Variants in NEDD4L observed in about 807,000 individuals in gnomAD.
The protein encoded by NEDD4L is NEDD4 like E3 ubiquitin protein ligase.
In NEDD4L, 54 loss-of-function variants were observed where a neutral mutation model predicts 148.9. That is an observed-to-expected ratio of 0.36 (90% CI 0.29 to 0.45). NEDD4L has a LOEUF of 0.45. Among genes scored for constraint, NEDD4L ranks in the 20% least tolerant of loss-of-function variants. The pLI, the probability that NEDD4L is intolerant of heterozygous loss-of-function variation, is 1.00. For missense variants in NEDD4L, 856 were observed against 1,233.8 expected (o/e 0.69, Z 4.59); for synonymous variants, 433 against 440.7 (o/e 0.98, Z 0.22).
chr18:58,044,877 C>T (rs1463432265), intron 1 of NEDD4L, among the ~76,000 whole-genome samples, 169 bp downstream of exon 1: 1 of 152,184 alleles, frequency 6.6e-6, no homozygotes, highest in African/African-American at 2.4e-5. Flanking sequence ...GGTCCTTCCG[C>T]ACCCCCCACC....
chr18:58,153,939 AC>A, intron 1 of NEDD4L, among the ~76,000 whole-genome samples: 1 of 152,186 alleles, frequency 6.6e-6, no homozygotes, highest in Non-Finnish European at 1.5e-5. Flanking sequence ...GAGTCACCGC[AC>A]CCGGCCCGAA....
At chr18:58,278,364 C>G (rs980748076) in intron 5 of NEDD4L, among the ~76,000 whole-genome samples, 6 of 152,196 alleles carry the variant, frequency 3.9e-5, no homozygotes, top group Non-Finnish European at 8.8e-5. Context: ...CCTGCCCCTC[C>G]TGCCTCTTCA....
chr18:58,323,244 A>C lies in NEDD4L; in HGVS notation c.423A>C (p.Arg141=), dbSNP rs1203565028. ...FLLRPRSHKS[R]VKGFLRLKMA... ...ATTATGTGTGCAGTCATAAGTCTCG[A>C]GTTAAGGGATTTTTGCGATTGAAAA... is the stretch of plus-strand genomic sequence containing the variant. Residue 141 remains arginine, a synonymous_variant, in exon 8 of 31, where the codon CGA becomes CGC. Transcript: ENST00000400345. The C allele has an allele frequency of 6.3e-7, 1 of 1,598,208 alleles. No individual in the cohort carries two copies. The highest frequency in any genetic ancestry group is 1.1e-5 in the South Asian group (1 of 88,576).
In NEDD4L at chr18:58,385,593, C is replaced by G; in HGVS notation, c.2487+7C>G. 1.2e-6 allele frequency: 2 copies of G among 1,612,446 alleles called. No homozygotes were observed. Among genetic ancestry groups the G allele is most frequent in the Non-Finnish European group, 1.7e-6 (2 of 1,178,524 alleles). On this transcript the variant is annotated splice_region_variant and intron_variant, in intron 26 of 30. Transcript: ENST00000400345. ...GATGAACGCCTTCTTGGAGGTAAGC[C>G]ATGCTGGCCAGGGTTCTCTGCCATG...
intron 29 of NEDD4L, 70 bp downstream of exon 29, chr18:58,390,812 G>A: frequency 1.8e-6 from 2 of 1,105,544 alleles, no homozygotes. Flanking sequence ...TCTGGCCCAA[G>A]AACCCTGCCG....
intron 2 of NEDD4L, among the ~76,000 whole-genome samples, chr18:58,209,957 G>A (rs184361651): frequency 1.5e-4 from 23 of 151,954 alleles, no homozygotes; most frequent in African/African-American, 5.1e-4. Context: ...ACCTGAGGTC[G>A]GGAGTTTGAG....
At chr18:58,220,772 C>T (rs2043669552) in intron 2 of NEDD4L, among the ~76,000 whole-genome samples, 1 of 152,110 alleles carries the variant, frequency 6.6e-6, no homozygotes, top group Non-Finnish European at 1.5e-5. Flanking sequence ...CTTCTTCCAG[C>T]AAGAGGAAAG....
chr18:58,385,268 C>T (rs1434412558), intron 25 of NEDD4L, among the ~76,000 whole-genome samples: 1 of 152,176 alleles, frequency 6.6e-6, no homozygotes, highest in South Asian at 2.1e-4. Flanking sequence ...GCATTTAAAG[C>T]AGTTTAGGTC....
Position 58,087,332 on chromosome 18 carries a change from A to G in NEDD4L, c.48+42624A>G, listed in dbSNP as rs537287124. 3.7e-4 allele frequency among the ~76,000 whole-genome samples: 57 copies of G among 152,270 alleles called. 1 individual carries two copies. The South Asian group carries it at 0.011, about 30-fold the overall frequency. On this transcript the variant is annotated intron_variant, in intron 1 of 30. Coordinates refer to ENST00000400345, the MANE Select transcript of NEDD4L (RefSeq NM_001144967.3). ...CCAGTAACATTTTCCTCTCTACACC[A>G]TCATCCACAGTCTCCTGAAAGGCCC...
intron 1 of NEDD4L, among the ~76,000 whole-genome samples, chr18:58,076,655 C>T (rs935792849): frequency 2.0e-5 from 3 of 152,066 alleles, no homozygotes; most frequent in African/African-American, 4.8e-5. Context: ...TGTCTTTCAG[C>T]GGGCGGGCGG....
rs529025508 is a variant in NEDD4L at position 58,125,579 on chromosome 18, A to G, written c.49-40209A>G. 3.3e-5 allele frequency among the ~76,000 whole-genome samples: 5 copies of G among 152,156 alleles called. No homozygotes were observed. The South Asian group carries it at 8.4e-4, about 25-fold the overall frequency. On this transcript the variant is annotated intron_variant, in intron 1 of 30. Coordinates refer to ENST00000400345, the MANE Select transcript of NEDD4L (RefSeq NM_001144967.3). ...TTGCCTCATGCCTCTGAGCCCTTAT[A>G]TGATCTCGAGTCACCACCCCACTGC...
intron 1 of NEDD4L, among the ~76,000 whole-genome samples, chr18:58,126,943 C>T (rs963644755): frequency 1.3e-5 from 2 of 152,258 alleles, no homozygotes; most frequent in African/African-American, 2.4e-5. Context: ...GCCCTGTCCT[C>T]ACCTGGGGTT....
chr18:58,086,614 C>T (rs921322100), intron 1 of NEDD4L, among the ~76,000 whole-genome samples: 8 of 152,042 alleles, frequency 5.3e-5, no homozygotes, highest in East Asian at 1.9e-4. Flanking sequence ...GTAACATGCC[C>T]GATACATTTT....
chr18:58,060,931 G>A (rs1011541075), intron 1 of NEDD4L, among the ~76,000 whole-genome samples: 1 of 152,110 alleles, frequency 6.6e-6, no homozygotes, highest in Non-Finnish European at 1.5e-5. Flanking sequence ...GCTAATTGTT[G>A]TATTTTTTAG....
rs113129590 is a variant in NEDD4L at position 58,160,314 on chromosome 18, T to C, written c.49-5474T>C. Among the ~76,000 whole-genome samples the C allele has an allele frequency of 1.1e-3, 163 of 152,366 alleles. 1 individual carries two copies. Among genetic ancestry groups the C allele is most frequent in the African/African-American group, 3.7e-3 (152 of 41,584 alleles). ...AGTTTGGACACTATTAGTGTGCTGC[T>C]GTCACTTATGGCTCGGGCACCTTAT... On this transcript the variant is annotated intron_variant, in intron 1 of 30. Transcript: ENST00000400345.
intron 5 of NEDD4L, chr18:58,255,389 G>A (rs987415699): frequency 3.5e-6 from 2 of 576,966 alleles, no homozygotes; most frequent in East Asian, 4.0e-5. Context: ...GGGAGAGCGC[G>A]GTCATGTGGT....
chr18:58,085,777 TTCTC>T (rs2083729638), intron 1 of NEDD4L, among the ~76,000 whole-genome samples: 1 of 152,336 alleles, frequency 6.6e-6, no homozygotes, highest in South Asian at 2.1e-4. Context: ...CCAACTCTTT[TTCTC>T]TCTCTATTAA....
At chr18:58,254,815 TTG>T (rs1401911746) in intron 5 of NEDD4L, among the ~76,000 whole-genome samples, 2 of 152,216 alleles carry the variant, frequency 1.3e-5, no homozygotes, top group Admixed American at 1.3e-4. Context: ...GGCTAACTGG[TTG>T]TGTAGCAAGT....
intron 24 of NEDD4L, among the ~76,000 whole-genome samples, chr18:58,374,692 C>G (rs8093026): frequency 0.27 from 40,696 of 151,600 alleles, 5,643 homozygotes; most frequent in Middle Eastern, 0.36. Context: ...CTCACTCCCC[C>G]CAGAGACACC....
Sources: allele counts gnomAD v4.1 joint callset (sites outside exome capture counted in the v4.1 genomes callset), GRCh38; gene constraint gnomAD v4.1.1; transcripts MANE v1.5; gene names NCBI Gene and HGNC (gene_info 2026-07-23, HGNC 2026-07-21).